Variants in SPAG16 observed in about 807,000 individuals in gnomAD.
The protein encoded by SPAG16 is sperm-associated antigen 16 protein.
In SPAG16, 86 loss-of-function variants were observed where a neutral mutation model predicts 80.4. That is an observed-to-expected ratio of 1.07 (90% CI 0.90 to 1.28). The LOEUF (loss-of-function observed/expected upper bound fraction) is 1.28, where lower values mean the gene tolerates loss of function less well. Ranked by LOEUF, SPAG16 falls within the 50% of genes most tolerant of loss-of-function variation. The probability of loss-of-function intolerance (pLI) is 0.00; values close to 1 mark genes in which losing one functional copy is unlikely to be tolerated. For missense variants in SPAG16, 870 were observed against 765.3 expected (o/e 1.14, Z -1.61); for synonymous variants, 294 against 265.9 (o/e 1.11, Z -1.03).
intron 10 of SPAG16, among the ~76,000 whole-genome samples, chr2:213,551,662 A>G (rs1264836126): frequency 6.6e-6 from 1 of 152,186 alleles, no homozygotes; most frequent in Non-Finnish European, 1.5e-5. Flanking sequence ...TCAGATAGCC[A>G]TAGGAATAGA....
At chr2:213,583,710 C>G (rs897336186) in intron 10 of SPAG16, among the ~76,000 whole-genome samples, 4 of 152,060 alleles carry the variant, frequency 2.6e-5, no homozygotes, top group African/African-American at 9.7e-5. Context: ...AGAAAAAAAG[C>G]AATAGTTTTT....
chr2:214,390,344 A>ATTTT (rs766813557), intron 15 of SPAG16, among the ~76,000 whole-genome samples: 1,143 of 98,210 alleles, frequency 0.012, 12 homozygotes, highest in African/African-American at 0.024. Flanking sequence ...TTTTTTTTAA[A>ATTTT]AAAAAAAAAA....
intron 15 of SPAG16, among the ~76,000 whole-genome samples, chr2:214,373,195 G>A (rs1312226362): frequency 6.6e-6 from 1 of 152,102 alleles, no homozygotes; most frequent in African/African-American, 2.4e-5. Context: ...CTATAATACT[G>A]AGGAATTTGT....
At chr2:214,294,352 C>T (rs1693995691) in intron 15 of SPAG16, among the ~76,000 whole-genome samples, 1 of 152,182 alleles carries the variant, frequency 6.6e-6, no homozygotes, top group Non-Finnish European at 1.5e-5. Context: ...AGAAGGCTGC[C>T]TCATTTCCCT....
intron 12 of SPAG16, among the ~76,000 whole-genome samples, chr2:213,980,725 T>TATAGAG (rs374274176): frequency 0.025 from 2,622 of 103,940 alleles, 69 homozygotes; most frequent in Non-Finnish European, 0.034. Context: ...TATATATATA[T>TATAGAG]AGAGAGAGAG....
chr2:214,301,222 A>G (rs1228450011), intron 15 of SPAG16, among the ~76,000 whole-genome samples: 3 of 109,212 alleles, frequency 2.7e-5, no homozygotes, highest in Non-Finnish European at 3.6e-5. Flanking sequence ...TCATATGATA[A>G]TATCAATAGA....
intron 10 of SPAG16, among the ~76,000 whole-genome samples, chr2:213,532,860 T>G (rs1250718231): frequency 2.0e-5 from 3 of 152,204 alleles, no homozygotes; most frequent in Non-Finnish European, 4.4e-5. Context: ...CTTATGCTTC[T>G]ATCTTATAAC....
In SPAG16 at chr2:213,512,234, C is replaced by A. The variant is rs73988530; in HGVS notation, c.1070+22144C>A. The stretch of plus-strand genomic sequence containing the variant: ...ATAAAGGGGAAAGAAGATAAACAAA[C>A]TAGACTTTTGAACAAGGTGGAGTAT... On this transcript the variant is annotated intron_variant, in intron 10 of 15. Coordinates refer to ENST00000331683, the MANE Select transcript of SPAG16 (RefSeq NM_024532.5). Among the ~76,000 whole-genome samples, 388 of 152,184 alleles carry A rather than the reference C, an allele frequency of 2.5e-3. 4 individuals are homozygous for A. Among genetic ancestry groups the A allele is most frequent in the African/African-American group, 8.6e-3 (356 of 41,538 alleles).
At chr2:213,919,595 A>G (rs1212839023) in intron 11 of SPAG16, among the ~76,000 whole-genome samples, 1 of 152,142 alleles carries the variant, frequency 6.6e-6, no homozygotes, top group Non-Finnish European at 1.5e-5. Context: ...ATGTAATTGT[A>G]TGTTTTTCAG....
At chr2:214,320,287 C>G (rs1404501379) in intron 15 of SPAG16, among the ~76,000 whole-genome samples, 2 of 152,152 alleles carry the variant, frequency 1.3e-5, no homozygotes, top group African/African-American at 4.8e-5. Context: ...TCTTTTTAAG[C>G]TTTTAGCTCA....
chr2:213,870,766 G>A (rs896388733), intron 11 of SPAG16, among the ~76,000 whole-genome samples: 3 of 152,142 alleles, frequency 2.0e-5, no homozygotes, highest in African/African-American at 4.8e-5. Flanking sequence ...CTGGTTTGCT[G>A]TAAAACTAGT....
intron 9 of SPAG16, among the ~76,000 whole-genome samples, chr2:213,464,358 A>G (rs1490571725): frequency 6.6e-6 from 1 of 152,140 alleles, no homozygotes; most frequent in Non-Finnish European, 1.5e-5. Context: ...GCCTTTCCCA[A>G]GGAATGTGGT....
At chr2:213,786,846 T>G (rs1366658684) in intron 10 of SPAG16, among the ~76,000 whole-genome samples, 1 of 152,128 alleles carries the variant, frequency 6.6e-6, no homozygotes, top group Non-Finnish European at 1.5e-5. Flanking sequence ...GTATAAAAAC[T>G]GGGAATAATA....
chr2:213,875,610 G>A (rs1270945696), intron 11 of SPAG16, among the ~76,000 whole-genome samples: 1 of 152,020 alleles, frequency 6.6e-6, no homozygotes, highest in Non-Finnish European at 1.5e-5. Flanking sequence ...ACTCTTTTGG[G>A]TCTTACATTT....
intron 14 of SPAG16, among the ~76,000 whole-genome samples, chr2:214,121,247 A>G (rs1220729908): frequency 6.6e-6 from 1 of 151,914 alleles, no homozygotes; most frequent in Admixed American, 6.6e-5. Flanking sequence ...CGGAACAAAT[A>G]TAAGCACAAG....
intron 15 of SPAG16, among the ~76,000 whole-genome samples, chr2:214,247,626 G>C (rs1689941369): frequency 6.6e-6 from 1 of 152,158 alleles, no homozygotes; most frequent in African/African-American, 2.4e-5. Context: ...CTACTCCAAG[G>C]TCAACACACT....
chr2:213,745,115 C>A (rs1392223632), intron 10 of SPAG16, among the ~76,000 whole-genome samples: 1 of 151,998 alleles, frequency 6.6e-6, no homozygotes, highest in Non-Finnish European at 1.5e-5. Flanking sequence ...TTCTTTTTTT[C>A]TAAAAAGTTA....
intron 10 of SPAG16, among the ~76,000 whole-genome samples, chr2:213,845,686 A>C (rs1407967462): frequency 6.6e-6 from 1 of 152,114 alleles, no homozygotes; most frequent in Non-Finnish European, 1.5e-5. Context: ...AACAAAAACA[A>C]AATGCCATAA....
chr2:213,370,990 T>G (rs2066598021), intron 8 of SPAG16, among the ~76,000 whole-genome samples: 1 of 152,196 alleles, frequency 6.6e-6, no homozygotes, highest in African/African-American at 2.4e-5. Flanking sequence ...AAACATACAC[T>G]CTAGTTTTAG....
Sources: gnomAD v4.1 joint callset for allele counts (sites outside exome capture counted in the v4.1 genomes callset) on GRCh38, gnomAD v4.1.1 for gene constraint, MANE v1.5 for transcripts, NCBI Gene and HGNC (gene_info 2026-07-23, HGNC 2026-07-21) for gene names.